ROBO2: variants seen among roughly 807,000 people sequenced by gnomAD.
ROBO2 encodes roundabout guidance receptor 2.
In ROBO2, 53 loss-of-function variants were observed where a neutral mutation model predicts 160.8. The observed-to-expected ratio is 0.33, with a 90% CI of 0.26 to 0.41. ROBO2 has a LOEUF of 0.41. Among genes scored for constraint, ROBO2 ranks in the 10% least tolerant of loss-of-function variants. The pLI, the probability that ROBO2 is intolerant of heterozygous loss-of-function variation, is 1.00. For missense variants in ROBO2, 1,577 were observed against 1,722.4 expected (o/e 0.92, Z 1.49); for synonymous variants, 664 against 611.7 (o/e 1.09, Z -1.26).
At chr3:75,998,595 G>A (rs2065794508) in intron 2 of ROBO2, among the ~76,000 whole-genome samples, 1 of 152,142 alleles carries the variant, frequency 6.6e-6, no homozygotes, top group Admixed American at 6.5e-5. Flanking sequence ...GTTTAATTTT[G>A]TTATATTTGA....
intron 2 of ROBO2, among the ~76,000 whole-genome samples, chr3:77,237,241 T>G (rs946196082): frequency 6.7e-6 from 1 of 150,118 alleles, no homozygotes; most frequent in African/African-American, 2.4e-5. Context: ...TTGCTCTGTC[T>G]TCCAGGGTGG....
At chr3:77,168,868 G>C (rs572187776) in intron 2 of ROBO2, among the ~76,000 whole-genome samples, 1 of 152,316 alleles carries the variant, frequency 6.6e-6, no homozygotes, top group African/African-American at 2.4e-5. Context: ...TGTAATGCCA[G>C]AGTCTGCAAA....
intron 2 of ROBO2, among the ~76,000 whole-genome samples, chr3:77,206,227 T>C (rs1471468733): frequency 2.6e-5 from 4 of 152,124 alleles, no homozygotes; most frequent in Admixed American, 1.3e-4. Flanking sequence ...TAGAGTGCAA[T>C]GGCGCGATCT....
chr3:76,683,828 A>T (rs2092625691), intron 2 of ROBO2, among the ~76,000 whole-genome samples: 1 of 152,150 alleles, frequency 6.6e-6, no homozygotes, highest in Admixed American at 6.6e-5. Flanking sequence ...AAACAAGGAC[A>T]ATGCTGAATC....
intron 2 of ROBO2, among the ~76,000 whole-genome samples, chr3:76,488,934 T>A (rs779322420): frequency 2.0e-5 from 3 of 151,978 alleles, no homozygotes; most frequent in African/African-American, 7.2e-5. Flanking sequence ...TTCTTACTTT[T>A]CTTCTTCCTC....
chr3:77,376,152 T>C (rs1486184869), intron 2 of ROBO2, among the ~76,000 whole-genome samples: 1 of 98,246 alleles, frequency 1.0e-5, no homozygotes. Flanking sequence ...GCATTTAACT[T>C]TCTTTTTTTT....
At chr3:76,756,527 A>G (rs1264209042) in intron 2 of ROBO2, among the ~76,000 whole-genome samples, 3 of 151,896 alleles carry the variant, frequency 2.0e-5, no homozygotes, top group Admixed American at 2.0e-4. Context: ...CAATAGTCTT[A>G]TGATTATGTT....
At chr3:76,890,952 A>G (rs2074300734) in intron 2 of ROBO2, among the ~76,000 whole-genome samples, 1 of 152,148 alleles carries the variant, frequency 6.6e-6, no homozygotes, top group Non-Finnish European at 1.5e-5. Context: ...GGTTTCTGGT[A>G]TATATTATTT....
intron 1 of ROBO2, among the ~76,000 whole-genome samples, chr3:75,932,101 A>G (rs142445915): frequency 5.1e-4 from 77 of 152,174 alleles, no homozygotes; most frequent in African/African-American, 1.8e-3. Flanking sequence ...TTCACTTGAG[A>G]GGGTATCAGT....
intron 2 of ROBO2, among the ~76,000 whole-genome samples, chr3:76,569,094 A>C (rs1437915531): frequency 6.6e-6 from 1 of 152,132 alleles, no homozygotes; most frequent in Non-Finnish European, 1.5e-5. Context: ...TATTGCATGG[A>C]TCTTCTCTGC....
At chr3:76,071,723 A>G (rs2068461462) in intron 2 of ROBO2, among the ~76,000 whole-genome samples, 1 of 152,066 alleles carries the variant, frequency 6.6e-6, no homozygotes, top group East Asian at 1.9e-4. Flanking sequence ...AGAATTGGAA[A>G]ACACCAGTAG....
intron 2 of ROBO2, among the ~76,000 whole-genome samples, chr3:76,437,553 A>G (rs2076740011): frequency 1.3e-5 from 2 of 152,324 alleles, no homozygotes; most frequent in Middle Eastern, 3.4e-3. Flanking sequence ...ATTGAAAAAT[A>G]TTAGTGTTCT....
At chr3:76,616,098 T>C (rs542755978) in intron 2 of ROBO2, among the ~76,000 whole-genome samples, 2 of 152,314 alleles carry the variant, frequency 1.3e-5, no homozygotes, top group African/African-American at 4.8e-5. Context: ...AAACACTTAA[T>C]GTTACATATT....
At chr3:76,051,092 T>C (rs1174863410) in intron 2 of ROBO2, among the ~76,000 whole-genome samples, 1 of 152,246 alleles carries the variant, frequency 6.6e-6, no homozygotes, top group Non-Finnish European at 1.5e-5. Flanking sequence ...ACACTGTTTG[T>C]TATATTTACT....
intron 2 of ROBO2, among the ~76,000 whole-genome samples, chr3:77,370,342 G>A (rs1213191207): frequency 6.6e-6 from 1 of 152,154 alleles, no homozygotes; most frequent in Non-Finnish European, 1.5e-5. Flanking sequence ...AGTCTCCTTA[G>A]TAGCGTAAAT....
chr3:76,699,115 T>C (rs1164144808), intron 2 of ROBO2, among the ~76,000 whole-genome samples: 2 of 152,194 alleles, frequency 1.3e-5, no homozygotes, highest in Non-Finnish European at 2.9e-5. Flanking sequence ...GTCTGCCAAT[T>C]TGAGCCACAC....
chr3:76,927,176 T>G (rs2077040461), intron 2 of ROBO2, among the ~76,000 whole-genome samples: 1 of 152,152 alleles, frequency 6.6e-6, no homozygotes, highest in Non-Finnish European at 1.5e-5. Flanking sequence ...GGTCAACTAA[T>G]TTTCATTGGA....
chr3:76,580,029 C>T (rs2085557554), intron 2 of ROBO2, among the ~76,000 whole-genome samples: 2 of 152,024 alleles, frequency 1.3e-5, no homozygotes, highest in African/African-American at 2.4e-5. Flanking sequence ...AAAGAGGTCC[C>T]CAACACAAGG....
At chr3:77,106,395 T>A (rs1420408037) in intron 2 of ROBO2, among the ~76,000 whole-genome samples, 1 of 148,258 alleles carries the variant, frequency 6.7e-6, no homozygotes, top group African/African-American at 2.5e-5. Flanking sequence ...TAGATGCAAG[T>A]TGATTTTACT....
Sources: gnomAD v4.1 joint callset for allele counts (sites outside exome capture counted in the v4.1 genomes callset) on GRCh38, gnomAD v4.1.1 for gene constraint, MANE v1.5 for transcripts, NCBI Gene and HGNC (gene_info 2026-07-23, HGNC 2026-07-21) for gene names.